The following UQCRC2 variants were observed in gnomAD, a reference collection of about 807,000 sequenced individuals.
UQCRC2 encodes cytochrome b-c1 complex subunit 2, mitochondrial.
UQCRC2 carries 49 observed loss-of-function variants against 55.6 expected under a neutral mutation model. That is an observed-to-expected ratio of 0.88 (90% CI 0.70 to 1.12). The LOEUF (loss-of-function observed/expected upper bound fraction) is 1.12. Ranked by LOEUF, UQCRC2 falls within the 50% of genes most tolerant of loss-of-function variation. The pLI is 0.00. For synonymous variants in UQCRC2, 193 were observed against 192.0 expected, an observed-to-expected ratio of 1.01 and a Z score of -0.04; for missense variants, 506 against 547.8, an observed-to-expected ratio of 0.92 and a Z score of 0.76.
At position 21,962,688 on chromosome 16, in the gene UQCRC2, T is replaced by C. The variant is rs553768515; in HGVS notation, c.390-73T>C. ...ACCTAAAGTTTCACATTGAGAGCAT[T>C]ACAGCTATGTAGAATCTCAAATGTT... On this transcript the variant is annotated intron_variant, in intron 5 of 13. Coordinates refer to ENST00000268379, the MANE Select transcript of UQCRC2 (RefSeq NM_003366.4). The C allele has an allele frequency of 1.9e-6, 3 of 1,606,986 alleles. No homozygotes were observed. The South Asian group carries it at 3.3e-5, about 18-fold the overall frequency.
intron 13 of UQCRC2, among the ~76,000 whole-genome samples, chr16:21,981,926 C>T (rs1356048279): frequency 1.3e-5 from 2 of 150,972 alleles, no homozygotes; most frequent in South Asian, 2.1e-4. Flanking sequence ...GTACAACCTC[C>T]GCCTCCCGGG....
chr16:21,968,841 A>G (rs1474450487), intron 8 of UQCRC2, among the ~76,000 whole-genome samples, 156 bp downstream of exon 8: 1 of 152,222 alleles, frequency 6.6e-6, no homozygotes, highest in Non-Finnish European at 1.5e-5. Flanking sequence ...ATTGCTAGTC[A>G]TTTGTTTTGG....
chr16:21,966,501 T>C (rs1451756957), intron 7 of UQCRC2, among the ~76,000 whole-genome samples: 2 of 151,986 alleles, frequency 1.3e-5, no homozygotes, highest in Non-Finnish European at 2.9e-5. Context: ...AAGAGAAAAA[T>C]TTGTAATTAT....
In UQCRC2 at chr16:21,983,574, A is replaced by G. The variant is rs1255528470; in HGVS notation, c.*403A>G. The G allele has an allele frequency of 1.3e-5, 3 of 232,924 alleles. No homozygotes were observed. Among genetic ancestry groups the G allele is most frequent in the Admixed American group, 5.6e-5 (1 of 17,920 alleles). The allele number at this position is 232,924 out of a possible 1,614,324, so 14.4% of individuals were successfully genotyped here. On this transcript the variant is annotated 3_prime_UTR_variant, in exon 14 of 14. Transcript: ENST00000268379. ...TCAAAATTTGTCATTTTGGGTGTCA[A>G]CAGCTAAATGGTCTGGTTTTTACCC...
chr16:21,980,229 C>G (rs1015447816), intron 12 of UQCRC2: 1 of 263,364 alleles, frequency 3.8e-6, no homozygotes, highest in Non-Finnish European at 7.5e-6. Flanking sequence ...GATCCAGAGG[C>G]CTTGGGAAGC....
At chr16:21,954,753 CACATT>C (rs1247875738) in intron 1 of UQCRC2, among the ~76,000 whole-genome samples, 9 of 151,986 alleles carry the variant, frequency 5.9e-5, no homozygotes, top group Admixed American at 5.9e-4. Context: ...GATTAAGAAG[CACATT>C]ACCGGCGGAG....
At chr16:21,958,339 T>C (rs1431505414) in intron 3 of UQCRC2, among the ~76,000 whole-genome samples, 196 bp from the exon 4 acceptor site, 1 of 152,372 alleles carries the variant, frequency 6.6e-6, no homozygotes, top group Admixed American at 6.5e-5. Flanking sequence ...GTGGAAATTT[T>C]ACATGAATGT....
At position 21,954,889 on chromosome 16, in the gene UQCRC2, C is replaced by CA. The variant is rs542091393; in HGVS notation, c.33+1447dup. ...TGAAACCCCGTCTCTACTAAAAATA[C>CA]AAAAAAAAAAAAAATAGCCGGGCGT... On this transcript the variant is annotated intron_variant, in intron 1 of 13. Coordinates refer to ENST00000268379, the MANE Select transcript of UQCRC2 (RefSeq NM_003366.4). Among the ~76,000 whole-genome samples, 1,077 of 129,664 alleles carry CA rather than the reference C, an allele frequency of 8.3e-3. 3 individuals carry two copies. Among genetic ancestry groups the CA allele is most frequent in the Middle Eastern group, 0.024 (6 of 254 alleles). The allele number at this position is 129,664 out of a possible 152,430, so 85.1% of individuals were successfully genotyped here.
Position 21,976,262 on chromosome 16 carries a change from T to G in UQCRC2, c.1124+19T>G. On this transcript the variant is annotated intron_variant, in intron 12 of 13. Coordinates refer to ENST00000268379, the MANE Select transcript of UQCRC2 (RefSeq NM_003366.4). ...CTGCCAAGTAAGTCTCAGTATTAAC[T>G]GTGTTTTATGTTTTTGTTATTTGAA... 1 of 1,582,830 alleles carries G rather than the reference T, an allele frequency of 6.3e-7. No homozygotes were observed. The highest frequency in any genetic ancestry group is 1.1e-5 in the South Asian group (1 of 90,292).
intron 4 of UQCRC2, 111 bp from the exon 5 acceptor site, chr16:21,962,349 C>T: frequency 2.3e-6 from 3 of 1,329,546 alleles, no homozygotes; most frequent in Admixed American, 2.1e-5. Context: ...TTGTTCGCAC[C>T]TTTTATACTT....
At chr16:21,971,849 A>G (rs1898469873) in intron 9 of UQCRC2, 74 bp from the exon 10 acceptor site, 16 of 1,595,186 alleles carry the variant, frequency 1.0e-5, no homozygotes, top group Non-Finnish European at 1.4e-5. Context: ...ACTGTGTTGT[A>G]GGAAATACTG....
intron 8 of UQCRC2, among the ~76,000 whole-genome samples, chr16:21,970,248 A>G (rs1898427542): frequency 6.6e-6 from 1 of 152,202 alleles, no homozygotes; most frequent in East Asian, 1.9e-4. Flanking sequence ...TGTCGTAAAT[A>G]TAAACATTCA....
At position 21,957,534 on chromosome 16, in the gene UQCRC2, AC is replaced by A; in HGVS notation, c.237del (p.Thr80ProfsTer10). On this transcript the variant is annotated frameshift_variant, in exon 3 of 14. Coordinates refer to ENST00000268379, the MANE Select transcript of UQCRC2 (RefSeq NM_003366.4). LOFTEE classifies it high-confidence loss of function. ...SRYEDFSNLG[T>X]THLLRLTSSL... ...ATATGAGGACTTCAGCAATTTAGGAACCACCCATTTGCTGCGTCTTACATCC... is the reference window on the plus strand; with the variant it reads ...ATATGAGGACTTCAGCAATTTAGGAACACCCATTTGCTGCGTCTTACATCC... 6.2e-7 allele frequency: 1 copy of A among 1,614,116 alleles called. No homozygotes were observed. Among genetic ancestry groups the A allele is most frequent in the Non-Finnish European group, 8.5e-7 (1 of 1,180,018 alleles).
At chr16:21,959,082 C>T (rs1478187825) in intron 4 of UQCRC2, among the ~76,000 whole-genome samples, 2 of 152,200 alleles carry the variant, frequency 1.3e-5, no homozygotes, top group Non-Finnish European at 2.9e-5. Flanking sequence ...GGTCTTGCCT[C>T]CACGTTAATG....
At position 21,983,575 on chromosome 16, in the gene UQCRC2, C is replaced by A; in HGVS notation, c.*404C>A. 1 of 231,778 alleles carries A rather than the reference C, an allele frequency of 4.3e-6. No individual in the cohort carries two copies. The highest frequency in any genetic ancestry group is 8.2e-6 in the Non-Finnish European group (1 of 121,578). 14.4% of individuals were successfully genotyped at this position (231,778 alleles called of 1,614,324 possible). Reference sequence around the variant, plus strand: ...CAAAATTTGTCATTTTGGGTGTCAACAGCTAAATGGTCTGGTTTTTACCCC... The same window carrying A: ...CAAAATTTGTCATTTTGGGTGTCAAAAGCTAAATGGTCTGGTTTTTACCCC... On this transcript the variant is annotated 3_prime_UTR_variant, in exon 14 of 14. Transcript: ENST00000268379.
intron 12 of UQCRC2, among the ~76,000 whole-genome samples, chr16:21,977,577 T>C (rs577437195): frequency 2.0e-5 from 3 of 152,366 alleles, no homozygotes; most frequent in African/African-American, 7.2e-5. Flanking sequence ...TTGAAAGTGC[T>C]ATCAACACTC....
In UQCRC2 at chr16:21,966,170, ATG is replaced by A. The variant is rs1196618263; in HGVS notation, c.612+675_612+676del. 1.2e-3 allele frequency among the ~76,000 whole-genome samples: 186 copies of A among 151,752 alleles called. 1 individual carries two copies. The highest frequency in any genetic ancestry group is 4.2e-3 in the African/African-American group (175 of 41,454). ...CTCTACAAAAAAAAAATATATATAT[ATG>A]TGTGTGTGTATACATATATATAAAA... On this transcript the variant is annotated intron_variant, in intron 7 of 13. Coordinates refer to ENST00000268379, the MANE Select transcript of UQCRC2 (RefSeq NM_003366.4).
At chr16:21,976,521 G>T in intron 12 of UQCRC2, 1 of 299,936 alleles carries the variant, frequency 3.3e-6, no homozygotes, top group Non-Finnish European at 6.2e-6. Flanking sequence ...GCAAGACCTC[G>T]TCTCCACCAA....
intron 1 of UQCRC2, among the ~76,000 whole-genome samples, chr16:21,955,985 C>T (rs745958866): frequency 3.3e-5 from 5 of 152,080 alleles, no homozygotes; most frequent in African/African-American, 4.8e-5. Context: ...ATCACCACGC[C>T]CCGCTTATTT....
Sources: gnomAD v4.1 joint callset for allele counts (sites outside exome capture counted in the v4.1 genomes callset) on GRCh38, gnomAD v4.1.1 for gene constraint, MANE v1.5 for transcripts, NCBI Gene and HGNC (gene_info 2026-07-23, HGNC 2026-07-21) for gene names.